The following WEE2 variants were observed in gnomAD, a reference collection of about 807,000 sequenced individuals.
The protein encoded by WEE2 is WEE2 oocyte meiosis inhibiting kinase, also known as wee1-like protein kinase 2.
Under a neutral mutation model 60.1 loss-of-function variants are expected in WEE2, and 50 were observed. The ratio of observed to expected loss-of-function variants is 0.83; its 90% CI spans 0.66 to 1.05. The LOEUF is 1.05. Ranked by LOEUF, WEE2 falls within the 50% of genes least tolerant of loss-of-function variation. The probability of loss-of-function intolerance (pLI) is 0.00; values close to 1 mark genes in which losing one functional copy is unlikely to be tolerated. For missense variants in WEE2, 631 were observed against 684.3 expected (o/e 0.92, Z 0.87); for synonymous variants, 240 against 241.0 (o/e 1.00, Z 0.04).
Position 141,708,758 on chromosome 7 carries a change from G to C in WEE2, c.-1G>C. On this transcript the variant is annotated 5_prime_UTR_variant, in exon 1 of 12. Transcript: ENST00000397541. ...CTGTGTTGTAAAGCTCTTTGGCTGAGATGGATGACAAAGATATTGACAAAG... is the reference window on the plus strand; with the variant it reads ...CTGTGTTGTAAAGCTCTTTGGCTGACATGGATGACAAAGATATTGACAAAG... The C allele has an allele frequency of 6.2e-7, 1 of 1,611,840 alleles. No homozygotes were observed. The highest frequency in any genetic ancestry group is 8.5e-7 in the Non-Finnish European group (1 of 1,178,520).
chr7:141,710,513 A>C (rs904144714), intron 1 of WEE2, among the ~76,000 whole-genome samples: 1 of 152,244 alleles, frequency 6.6e-6, no homozygotes, highest in African/African-American at 2.4e-5. Flanking sequence ...GAGCCCACAA[A>C]ATGAATAAAG....
intron 5 of WEE2, among the ~76,000 whole-genome samples, 186 bp downstream of exon 5, chr7:141,721,242 T>C (rs1285952829): frequency 1.3e-5 from 2 of 152,232 alleles, no homozygotes; most frequent in Non-Finnish European, 2.9e-5. Flanking sequence ...GGTCCTCGAC[T>C]TATTCTTTCT....
At chr7:141,721,361 C>A (rs1323632723) in intron 5 of WEE2, among the ~76,000 whole-genome samples, 1 of 152,216 alleles carries the variant, frequency 6.6e-6, no homozygotes, top group Non-Finnish European at 1.5e-5. Flanking sequence ...TAAGCAACAT[C>A]CAGGCTGGTA....
At chr7:141,722,327 C>T (rs530343052) in intron 5 of WEE2, among the ~76,000 whole-genome samples, 11 of 152,264 alleles carry the variant, frequency 7.2e-5, no homozygotes, top group Admixed American at 2.0e-4. Flanking sequence ...ATCGCTTGAA[C>T]CCGGGAGGCG....
intron 9 of WEE2, 126 bp downstream of exon 9, chr7:141,725,322 A>G: frequency 5.2e-6 from 6 of 1,145,864 alleles, no homozygotes; most frequent in Non-Finnish European, 7.2e-6. Context: ...CGTGACTAGA[A>G]GTCCAGAAAA....
intron 11 of WEE2, among the ~76,000 whole-genome samples, chr7:141,729,902 C>T (rs1022069502): frequency 2.0e-5 from 3 of 150,974 alleles, no homozygotes; most frequent in East Asian, 2.0e-4. Flanking sequence ...GAAGGAGAAT[C>T]GCTTGAACCC....
chr7:141,724,361 C>A, intron 8 of WEE2, 86 bp downstream of exon 8: 1 of 1,170,360 alleles, frequency 8.5e-7, no homozygotes. Flanking sequence ...AAAATTAAAA[C>A]TGTATATTTA....
intron 10 of WEE2, chr7:141,728,286 G>C (rs1392164929): frequency 3.3e-5 from 5 of 152,200 alleles, no homozygotes; most frequent in African/African-American, 1.2e-4. Flanking sequence ...AATTGTCCTT[G>C]CTTAAAATAA....
At chr7:141,716,351 C>G in intron 3 of WEE2, 84 bp downstream of exon 3, 1 of 1,280,912 alleles carries the variant, frequency 7.8e-7, no homozygotes, top group Non-Finnish European at 1.1e-6. Context: ...TTCTCCCTCT[C>G]TCTCCTCCCT....
Position 141,727,774 on chromosome 7 carries a change from TATAAG to T in WEE2, c.1535+333_1535+337del, listed in dbSNP as rs758647394. ...TAGTAACTGGTTGGTGATCACCTAA[TATAAG>T]ATAACCACAGGTAAGATGGGTAAGA... On this transcript the variant is annotated intron_variant, in intron 10 of 11. Transcript: ENST00000397541. The T allele has an allele frequency of 5.5e-4, 145 of 262,926 alleles. No individual in the cohort carries two copies. In the Middle Eastern group the frequency reaches 6.4e-3, roughly 12 times the overall value. The allele number at this position is 262,926 out of a possible 1,614,324, so 16.3% of individuals were successfully genotyped here.
chr7:141,723,339 A>G, intron 6 of WEE2, 59 bp downstream of exon 6: 1 of 1,568,766 alleles, frequency 6.4e-7, no homozygotes, highest in Non-Finnish European at 8.7e-7. Context: ...TGCTATCATC[A>G]AAATCTAGGT....
intron 9 of WEE2, among the ~76,000 whole-genome samples, chr7:141,726,198 T>A (rs980788779): frequency 6.6e-6 from 1 of 152,244 alleles, no homozygotes; most frequent in Non-Finnish European, 1.5e-5. Context: ...AAATCATGTC[T>A]TAAGGAACAG....
At chr7:141,723,016 G>GATATCTGC in intron 5 of WEE2, 118 bp from the exon 6 acceptor site, 1 of 1,324,964 alleles carries the variant, frequency 7.5e-7, no homozygotes, top group Admixed American at 2.2e-5. Context: ...TTGGGGCTTT[G>GATATCTGC]ATATCTGCAG....
intron 7 of WEE2, 35 bp from the exon 8 acceptor site, chr7:141,724,155 C>A: frequency 6.3e-7 from 1 of 1,590,060 alleles, no homozygotes. Context: ...CTCTTTTGTT[C>A]GATTTTATTC....
chr7:141,710,174 G>A (rs1798688781), intron 1 of WEE2, among the ~76,000 whole-genome samples: 1 of 152,174 alleles, frequency 6.6e-6, no homozygotes. Flanking sequence ...TAGGTAAGGA[G>A]CATATAATAC....
At chr7:141,718,368 T>G (rs1798845632) in intron 3 of WEE2, among the ~76,000 whole-genome samples, 2 of 152,164 alleles carry the variant, frequency 1.3e-5, no homozygotes, top group African/African-American at 4.8e-5. Context: ...TACTGTATAT[T>G]CTCATGTAAT....
At chr7:141,727,203 C>A in intron 9 of WEE2, 101 bp from the exon 10 acceptor site, 3 of 1,322,598 alleles carry the variant, frequency 2.3e-6, no homozygotes, top group East Asian at 2.3e-5. Flanking sequence ...CAATGTCTTA[C>A]AAAATCCACC....
intron 3 of WEE2, among the ~76,000 whole-genome samples, chr7:141,718,084 T>G (rs983243689): frequency 1.3e-5 from 2 of 152,178 alleles, no homozygotes; most frequent in Non-Finnish European, 2.9e-5. Flanking sequence ...AGCTTGAGAC[T>G]GGCTAAGGGT....
intron 1 of WEE2, among the ~76,000 whole-genome samples, chr7:141,710,881 G>C (rs1356874706): frequency 6.6e-6 from 1 of 152,140 alleles, no homozygotes; most frequent in African/African-American, 2.4e-5. Context: ...CCATTACCAT[G>C]GTTTTGAGTA....
Sources: gnomAD v4.1 joint callset for allele counts (sites outside exome capture counted in the v4.1 genomes callset) on GRCh38, gnomAD v4.1.1 for gene constraint, MANE v1.5 for transcripts, NCBI Gene and HGNC (gene_info 2026-07-23, HGNC 2026-07-21) for gene names.